Variants in LIPC observed in about 807,000 individuals in gnomAD.
The protein encoded by LIPC is lipase C, hepatic type.
A neutral mutation model predicts 50.7 loss-of-function variants in LIPC; 44 were observed. The observed-to-expected ratio is 0.87, with a 90% CI of 0.68 to 1.11. The LOEUF (loss-of-function observed/expected upper bound fraction) is 1.11. Ranked by LOEUF, LIPC falls within the 50% of genes most tolerant of loss-of-function variation. LIPC has a pLI of 0.00. For missense variants in LIPC, 697 were observed against 648.2 expected (o/e 1.08, Z -0.82); for synonymous variants, 271 against 256.4 (o/e 1.06, Z -0.54).
intron 1 of LIPC, among the ~76,000 whole-genome samples, chr15:58,475,637 G>T (rs560134606): frequency 6.6e-6 from 1 of 152,220 alleles, no homozygotes; most frequent in South Asian, 2.1e-4. Context: ...GCAACCATTG[G>T]CTCACACATC....
intron 6 of LIPC, among the ~76,000 whole-genome samples, chr15:58,558,724 C>A (rs549876278): frequency 1.3e-5 from 2 of 151,928 alleles, no homozygotes; most frequent in Non-Finnish European, 2.9e-5. Flanking sequence ...GAAAAACTGT[C>A]TTCCATGAAA....
At chr15:58,483,665 A>G (rs1185971067) in intron 1 of LIPC, among the ~76,000 whole-genome samples, 2 of 152,088 alleles carry the variant, frequency 1.3e-5, no homozygotes. Flanking sequence ...CTAGGAAGTT[A>G]AAGATCACAG....
intron 1 of LIPC, among the ~76,000 whole-genome samples, chr15:58,518,860 TGG>T (rs1892563221): frequency 6.6e-6 from 1 of 151,766 alleles, no homozygotes; most frequent in Non-Finnish European, 1.5e-5. Flanking sequence ...TCTGCCTTGA[TGG>T]TGGTGGTGGT....
At chr15:58,543,359 G>T (rs944475342) in intron 4 of LIPC, among the ~76,000 whole-genome samples, 10 of 151,386 alleles carry the variant, frequency 6.6e-5, no homozygotes, top group Non-Finnish European at 1.5e-4. Context: ...TTCTCGGTGT[G>T]GAAGCCCCAG....
intron 1 of LIPC, among the ~76,000 whole-genome samples, chr15:58,458,199 T>C (rs1397457040): frequency 6.6e-6 from 1 of 152,138 alleles, no homozygotes; most frequent in Non-Finnish European, 1.5e-5. Context: ...AGTCCATATA[T>C]TCTGTACTGT....
intron 1 of LIPC, among the ~76,000 whole-genome samples, chr15:58,468,808 G>A (rs1894671002): frequency 6.6e-6 from 1 of 152,124 alleles, no homozygotes; most frequent in African/African-American, 2.4e-5. Context: ...TGCTAGGCTG[G>A]TAATATTTTT....
intron 1 of LIPC, among the ~76,000 whole-genome samples, chr15:58,451,107 G>A (rs765019843): frequency 9.2e-5 from 14 of 152,148 alleles, no homozygotes; most frequent in Non-Finnish European, 1.3e-4. Context: ...GCAAGCAATC[G>A]GTTGGGATTC....
chr15:58,523,130 C>A, intron 1 of LIPC: 1 of 152,388 alleles, frequency 6.6e-6, no homozygotes, highest in East Asian at 1.9e-4. Context: ...TGAGCGGGCA[C>A]CTCTATGTTC....
chr15:58,524,136 C>T lies in LIPC; in HGVS notation c.89-14197C>T, dbSNP rs529636564. Among the ~76,000 whole-genome samples, 4 of 152,238 alleles carry T rather than the reference C, an allele frequency of 2.6e-5. No individual in the cohort carries two copies. In the South Asian group the frequency reaches 8.3e-4, roughly 32 times the overall value. On this transcript the variant is annotated intron_variant, in intron 1 of 8. Coordinates refer to ENST00000299022, the MANE Select transcript of LIPC (RefSeq NM_000236.3). Reference sequence around the variant, plus strand: ...TCTGTATCGTTCCAACATAACCTTACGCAGCTGAAAGCCAACATGGAGTTA... The same window carrying T: ...TCTGTATCGTTCCAACATAACCTTATGCAGCTGAAAGCCAACATGGAGTTA...
rs1893610484 is a variant in LIPC, at chr15:58,548,352, C to T, written c.831C>T (p.Cys277=). 6.2e-7 allele frequency: 1 copy of T among 1,614,028 alleles called. No individual in the cohort carries two copies. Among genetic ancestry groups the T allele is most frequent in the Non-Finnish European group, 8.5e-7 (1 of 1,180,040 alleles). ...GFNAITQTIK[C]SHERSVHLFI... ...CAGCCATCACCCAGACCATAAAATG[C>T]TCCCACGAGCGATCGGTGCACCTTT... The change falls in exon 6 of 9, where the codon TGC becomes TGT. Residue 277 remains cysteine (C), a synonymous_variant. Transcript: ENST00000299022.
At chr15:58,507,005 A>G (rs1892174090) in intron 1 of LIPC, among the ~76,000 whole-genome samples, 2 of 152,208 alleles carry the variant, frequency 1.3e-5, no homozygotes, top group Admixed American at 6.5e-5. Flanking sequence ...GAAGCTCCTT[A>G]TAAAACCATC....
chr15:58,557,791 T>A (rs1387994978), intron 6 of LIPC, among the ~76,000 whole-genome samples: 2 of 152,200 alleles, frequency 1.3e-5, no homozygotes, highest in African/African-American at 4.8e-5. Flanking sequence ...CTATGAGTGT[T>A]CCTTGAGAAC....
chr15:58,460,515 G>C (rs1894305986), intron 1 of LIPC, among the ~76,000 whole-genome samples: 1 of 152,214 alleles, frequency 6.6e-6, no homozygotes, highest in African/African-American at 2.4e-5. Flanking sequence ...CCTCCACTTA[G>C]GTAATAATCA....
intron 6 of LIPC, among the ~76,000 whole-genome samples, chr15:58,551,074 T>TG (rs1432970684): frequency 2.0e-5 from 3 of 151,968 alleles, no homozygotes; most frequent in African/African-American, 7.3e-5. Context: ...TGACCTCAAG[T>TG]GATCCACCCG....
At chr15:58,474,274 T>C (rs530583548) in intron 1 of LIPC, among the ~76,000 whole-genome samples, 3 of 152,188 alleles carry the variant, frequency 2.0e-5, no homozygotes, top group Admixed American at 6.5e-5. Context: ...TCCCAACACT[T>C]TGGGGGCCCA....
intron 1 of LIPC, chr15:58,494,986 C>T (rs1197677901): frequency 4.8e-6 from 2 of 417,976 alleles, no homozygotes; most frequent in Admixed American, 2.6e-5. Flanking sequence ...CCAACATCAA[C>T]CGTTCCACCG....
At chr15:58,535,829 A>G (rs1220645439) in intron 1 of LIPC, among the ~76,000 whole-genome samples, 2 of 152,214 alleles carry the variant, frequency 1.3e-5, no homozygotes, top group African/African-American at 4.8e-5. Flanking sequence ...CCCTCTTAAC[A>G]TTTGAGGCAG....
At chr15:58,480,269 G>T (rs2140771205) in intron 1 of LIPC, among the ~76,000 whole-genome samples, 1 of 152,224 alleles carries the variant, frequency 6.6e-6, no homozygotes, top group East Asian at 1.9e-4. Flanking sequence ...TTGTCCATAA[G>T]CTTCATTCAT....
chr15:58,515,072 A>G (rs957899885), intron 1 of LIPC, among the ~76,000 whole-genome samples: 1 of 152,144 alleles, frequency 6.6e-6, no homozygotes, highest in Non-Finnish European at 1.5e-5. Context: ...ATATCTTTAA[A>G]GCCAGCAGCA....
Sources: gnomAD v4.1 joint callset for allele counts (sites outside exome capture counted in the v4.1 genomes callset) on GRCh38, gnomAD v4.1.1 for gene constraint, MANE v1.5 for transcripts, NCBI Gene and HGNC (gene_info 2026-07-23, HGNC 2026-07-21) for gene names.